Variants in DOCK3 observed in about 807,000 individuals in gnomAD.
DOCK3 encodes the protein dedicator of cytokinesis protein 3.
DOCK3 carries 60 observed loss-of-function variants against 265.6 expected under a neutral mutation model. The ratio of observed to expected loss-of-function variants is 0.23; its 90% confidence interval spans 0.18 to 0.28. The LOEUF (loss-of-function observed/expected upper bound fraction) is 0.28, where lower values mean the gene tolerates loss of function less well. DOCK3 is among the 10% of genes least tolerant of loss of function. DOCK3 has a pLI of 1.00. For missense variants in DOCK3, 1,981 were observed against 2,594.3 expected, an observed-to-expected ratio of 0.76 and a Z score of 5.14; for synonymous variants, 881 against 938.0, an observed-to-expected ratio of 0.94 and a Z score of 1.11.
intron 5 of DOCK3, among the ~76,000 whole-genome samples, chr3:51,024,317 A>G (rs1027538933): frequency 6.6e-5 from 10 of 151,758 alleles, no homozygotes; most frequent in South Asian, 2.1e-4. Flanking sequence ...TATTTATTCA[A>G]TTTTTTCCCC....
At chr3:51,011,938 G>A (rs142805215) in intron 5 of DOCK3, among the ~76,000 whole-genome samples, 9 of 152,270 alleles carry the variant, frequency 5.9e-5, no homozygotes, top group East Asian at 1.9e-4. Flanking sequence ...CCAGAACAGC[G>A]AATATTGCTG....
At chr3:50,875,857 T>TAAA (rs78356817) in intron 3 of DOCK3, among the ~76,000 whole-genome samples, 1 of 143,486 alleles carries the variant, frequency 7.0e-6, no homozygotes, top group Non-Finnish European at 1.5e-5. Flanking sequence ...ATTTTTGAAT[T>TAAA]AAAAAAAAAA....
At chr3:50,758,373 C>T (rs539370387) in intron 1 of DOCK3, among the ~76,000 whole-genome samples, 6 of 151,032 alleles carry the variant, frequency 4.0e-5, no homozygotes, top group South Asian at 2.1e-4. Flanking sequence ...TATATTTTGT[C>T]CTCATTTTCA....
intron 5 of DOCK3, among the ~76,000 whole-genome samples, chr3:51,017,712 A>T (rs1272226890): frequency 1.3e-5 from 2 of 151,776 alleles, no homozygotes; most frequent in Non-Finnish European, 2.9e-5. Context: ...CATTGTGGTT[A>T]GAGAGGATAC....
At chr3:50,824,166 A>G (rs907940334) in intron 2 of DOCK3, among the ~76,000 whole-genome samples, 13 of 152,182 alleles carry the variant, frequency 8.5e-5, no homozygotes, top group Non-Finnish European at 1.6e-4. Flanking sequence ...TCTTTACTCT[A>G]CTAGGCTACT....
chr3:50,682,919 A>G (rs1170314125), intron 1 of DOCK3, among the ~76,000 whole-genome samples: 1 of 152,256 alleles, frequency 6.6e-6, no homozygotes, highest in Admixed American at 6.5e-5. Context: ...AGCCTGGGTG[A>G]CAGAGTAAGA....
intron 1 of DOCK3, among the ~76,000 whole-genome samples, chr3:50,696,877 T>C (rs2035658308): frequency 6.6e-6 from 1 of 152,156 alleles, no homozygotes; most frequent in Non-Finnish European, 1.5e-5. Flanking sequence ...GTGTGTATAC[T>C]TTTTAAAGCC....
At chr3:50,835,734 C>T (rs1332682480) in intron 2 of DOCK3, among the ~76,000 whole-genome samples, 4 of 152,172 alleles carry the variant, frequency 2.6e-5, no homozygotes, top group African/African-American at 9.7e-5. Context: ...TTAAGGGTTC[C>T]ATTTTTGTAG....
At chr3:51,143,414 C>T (rs566113887) in intron 9 of DOCK3, among the ~76,000 whole-genome samples, 16 of 151,278 alleles carry the variant, frequency 1.1e-4, no homozygotes, top group Admixed American at 9.2e-4. Context: ...GGATTACAGG[C>T]ACCCGCCACT....
chr3:50,862,483 G>C (rs914903404), intron 3 of DOCK3, among the ~76,000 whole-genome samples: 8 of 151,980 alleles, frequency 5.3e-5, no homozygotes, highest in African/African-American at 1.7e-4. Flanking sequence ...ATGTGGGGTT[G>C]GTGGAAAGTG....
In DOCK3 at chr3:51,364,505, A is replaced by T. The variant is rs576330310; in HGVS notation, c.5293+1831A>T. On this transcript the variant is annotated intron_variant, in intron 49 of 52. Coordinates refer to ENST00000266037, the MANE Select transcript of DOCK3 (RefSeq NM_004947.5). ...CTCTTTAGTTTAGATCCCATTTGTC[A>T]ATTTTGGCTTTTGTTGCCATTGCTT... 2.6e-5 allele frequency among the ~76,000 whole-genome samples: 4 copies of T among 152,158 alleles called. No homozygotes were observed. In the South Asian group the frequency reaches 8.3e-4, roughly 32 times the overall value.
chr3:51,251,784 G>A (rs987755526), intron 22 of DOCK3, among the ~76,000 whole-genome samples: 3 of 152,140 alleles, frequency 2.0e-5, no homozygotes, highest in Non-Finnish European at 4.4e-5. Context: ...TGGATAGATG[G>A]CAAAAATTTT....
intron 1 of DOCK3, among the ~76,000 whole-genome samples, chr3:50,694,578 G>A (rs1014277076): frequency 1.9e-4 from 29 of 152,218 alleles, no homozygotes; most frequent in Middle Eastern, 3.2e-3. Context: ...GGAGGCCAAA[G>A]CGGGCAGATC....
At chr3:51,246,693 A>C (rs1225855988) in intron 21 of DOCK3, 33 bp from the exon 22 acceptor site, 2 of 1,597,836 alleles carry the variant, frequency 1.3e-6, no homozygotes, top group Admixed American at 3.4e-5. Context: ...TTTTGAATTA[A>C]AGTGGGGTTT....
chr3:51,214,971 A>G (rs2089704834), intron 14 of DOCK3, among the ~76,000 whole-genome samples: 1 of 152,224 alleles, frequency 6.6e-6, no homozygotes, highest in Non-Finnish European at 1.5e-5. Context: ...GGAGTGAAGA[A>G]AGGGTAGAGG....
chr3:50,787,591 G>T, intron 2 of DOCK3: 3 of 1,081,510 alleles, frequency 2.8e-6, no homozygotes, highest in Non-Finnish European at 4.1e-6. Flanking sequence ...TTTCTGCACT[G>T]GTGCTTCAGG....
At chr3:51,043,555 G>A (rs568609514) in intron 5 of DOCK3, among the ~76,000 whole-genome samples, 1 of 152,094 alleles carries the variant, frequency 6.6e-6, no homozygotes, top group Admixed American at 6.5e-5. Flanking sequence ...GACACCAAAA[G>A]CAATTGCAAC....
intron 22 of DOCK3, among the ~76,000 whole-genome samples, chr3:51,258,701 T>C (rs1406998816): frequency 1.3e-5 from 2 of 152,162 alleles, no homozygotes; most frequent in African/African-American, 2.4e-5. Context: ...TTCTAGTCCC[T>C]ACCTATAAGG....
intron 1 of DOCK3, among the ~76,000 whole-genome samples, chr3:50,692,018 GA>G (rs1226499618): frequency 6.6e-6 from 1 of 151,954 alleles, no homozygotes; most frequent in African/African-American, 2.4e-5. Flanking sequence ...GAGCTCAGGG[GA>G]TTCTCCCACC....
Sources: allele counts gnomAD v4.1 joint callset (sites outside exome capture counted in the v4.1 genomes callset), GRCh38; gene constraint gnomAD v4.1.1; transcripts MANE v1.5; gene names NCBI Gene and HGNC (gene_info 2026-07-23, HGNC 2026-07-21).